ZNF609: variants seen among roughly 807,000 people sequenced by gnomAD.
ZNF609 encodes zinc finger protein 609.
A neutral mutation model predicts 109.5 loss-of-function variants in ZNF609; 11 were observed. The ratio of observed to expected loss-of-function variants is 0.10; its 90% CI spans 0.06 to 0.17. ZNF609 has a LOEUF of 0.17. ZNF609 is among the 10% of genes least tolerant of loss of function. The probability of loss-of-function intolerance (pLI) is 1.00; values close to 1 mark genes in which losing one functional copy is unlikely to be tolerated. For missense variants in ZNF609, 1,559 were observed against 1,772.4 expected, an observed-to-expected ratio of 0.88 and a Z score of 2.16; for synonymous variants, 646 against 662.0, an observed-to-expected ratio of 0.98 and a Z score of 0.37.
intron 3 of ZNF609, among the ~76,000 whole-genome samples, chr15:64,626,246 C>T (rs182148906): frequency 6.6e-6 from 1 of 152,058 alleles, no homozygotes; most frequent in East Asian, 1.9e-4. Flanking sequence ...TCTGGTCACC[C>T]CAGAGGGCCT....
intron 1 of ZNF609, among the ~76,000 whole-genome samples, chr15:64,469,239 G>A (rs1241938391): frequency 2.0e-5 from 3 of 151,440 alleles, no homozygotes; most frequent in Admixed American, 2.0e-4. Context: ...CTCCAGCCTG[G>A]GCAACAAGAG....
intron 3 of ZNF609, among the ~76,000 whole-genome samples, chr15:64,649,855 C>T (rs948173517): frequency 3.3e-5 from 5 of 152,222 alleles, no homozygotes; most frequent in Admixed American, 6.5e-5. Flanking sequence ...GAGGCAACTA[C>T]AGTTATAGTT....
chr15:64,517,787 A>G (rs1893835455), intron 2 of ZNF609, among the ~76,000 whole-genome samples: 1 of 150,964 alleles, frequency 6.6e-6, no homozygotes, highest in Non-Finnish European at 1.5e-5. Flanking sequence ...TTATACATAT[A>G]TATTATTATT....
chr15:64,621,485 GA>G (rs1159277212), intron 2 of ZNF609, among the ~76,000 whole-genome samples: 2 of 152,074 alleles, frequency 1.3e-5, no homozygotes, highest in Non-Finnish European at 2.9e-5. Context: ...GAGTAGCTGA[GA>G]ATACAGGCAT....
At chr15:64,647,818 T>C (rs1265249593) in intron 3 of ZNF609, among the ~76,000 whole-genome samples, 1 of 152,214 alleles carries the variant, frequency 6.6e-6, no homozygotes, top group East Asian at 1.9e-4. Flanking sequence ...ATGTGTTTCA[T>C]AATAATAACC....
intron 1 of ZNF609, among the ~76,000 whole-genome samples, chr15:64,483,758 C>T (rs1893291840): frequency 1.3e-5 from 2 of 152,166 alleles, no homozygotes; most frequent in Admixed American, 1.3e-4. Flanking sequence ...TGGCCTTGAA[C>T]TCCTGGGCTC....
At chr15:64,469,338 C>T (rs1191077835) in intron 1 of ZNF609, among the ~76,000 whole-genome samples, 1 of 147,994 alleles carries the variant, frequency 6.8e-6, no homozygotes, top group Non-Finnish European at 1.5e-5. Context: ...ATGGGAGGAT[C>T]GCTTGAGCCC....
chr15:64,586,250 C>T (rs1284773247), intron 2 of ZNF609, among the ~76,000 whole-genome samples: 5 of 150,966 alleles, frequency 3.3e-5, no homozygotes, highest in African/African-American at 4.9e-5. Context: ...TGCTTGAACC[C>T]GGGAGGCAGA....
intron 2 of ZNF609, among the ~76,000 whole-genome samples, chr15:64,561,223 C>T (rs1894674871): frequency 6.6e-6 from 1 of 152,150 alleles, no homozygotes; most frequent in South Asian, 2.1e-4. Context: ...TGTTATCTAA[C>T]CTATTACTTT....
chr15:64,529,597 GA>G, intron 2 of ZNF609: 1 of 1,342,196 alleles, frequency 7.5e-7, no homozygotes, highest in South Asian at 1.2e-5. Flanking sequence ...CACTTTACCA[GA>G]GTTAAAAGCA....
chr15:64,653,213 T>G (rs955438850), intron 3 of ZNF609, among the ~76,000 whole-genome samples: 3 of 152,254 alleles, frequency 2.0e-5, no homozygotes, highest in African/African-American at 7.2e-5. Flanking sequence ...TAAAGAACCC[T>G]TTATTTCCTT....
intron 2 of ZNF609, among the ~76,000 whole-genome samples, chr15:64,531,296 G>A (rs145370220): frequency 6.6e-6 from 1 of 152,300 alleles, no homozygotes; most frequent in East Asian, 1.9e-4. Flanking sequence ...TCAGTTATCA[G>A]CTGCCCTATG....
rs762419881 is a variant in ZNF609 at position 64,678,445 on chromosome 15, C to T, written c.3732C>T (p.Tyr1244=). The change falls in exon 6 of 10, where the codon TAC becomes TAT. Residue 1244 remains tyrosine (Y), a synonymous_variant. Coordinates refer to ENST00000326648, the MANE Select transcript of ZNF609 (RefSeq NM_015042.2). ...SQSYDPNHPS[Y]RSMPAVMMQN... Reference sequence around the variant, plus strand: ...CCTACGACCCCAACCACCCCAGCTACCGGAGCATGCCTGCTGTGATGATGC... The same window carrying T: ...CCTACGACCCCAACCACCCCAGCTATCGGAGCATGCCTGCTGTGATGATGC... 1.0e-5 allele frequency: 16 copies of T among 1,603,120 alleles called. No homozygotes were observed. In the East Asian group the frequency reaches 3.6e-4, roughly 36 times the overall value.
chr15:64,464,017 G>A (rs1340548120), intron 1 of ZNF609, among the ~76,000 whole-genome samples: 1 of 152,070 alleles, frequency 6.6e-6, no homozygotes, highest in East Asian at 1.9e-4. Context: ...ATCATTCAAA[G>A]AGTGCTTTGG....
At chr15:64,482,616 T>G (rs1257007267) in intron 1 of ZNF609, among the ~76,000 whole-genome samples, 5 of 152,154 alleles carry the variant, frequency 3.3e-5, no homozygotes, top group Admixed American at 6.6e-5. Flanking sequence ...TACACCATAT[T>G]AGAAAGCTGG....
At chr15:64,593,261 C>T (rs1045746765) in intron 2 of ZNF609, 16 of 1,511,940 alleles carry the variant, frequency 1.1e-5, no homozygotes, top group East Asian at 6.7e-5. Flanking sequence ...CCGCAAGGAC[C>T]GAACACCCCC....
Position 64,476,973 on chromosome 15 carries a change from T to C in ZNF609, c.-128+16135T>C, listed in dbSNP as rs1893179237. On this transcript the variant is annotated intron_variant, in intron 1 of 9. Transcript: ENST00000326648. Reference sequence around the variant, plus strand: ...TGGCCTAAAGCGTGAATTTTCAGGTTTTTGGTGCTTTGACTTCCTCTCAAC... The same window carrying C: ...TGGCCTAAAGCGTGAATTTTCAGGTCTTTGGTGCTTTGACTTCCTCTCAAC... Among the ~76,000 whole-genome samples the C allele has an allele frequency of 2.6e-5, 4 of 152,106 alleles. 1 individual carries two copies. In the South Asian group the frequency reaches 8.3e-4, roughly 31 times the overall value.
At chr15:64,527,257 G>A (rs756823642) in intron 2 of ZNF609, among the ~76,000 whole-genome samples, 3 of 148,760 alleles carry the variant, frequency 2.0e-5, no homozygotes, top group Non-Finnish European at 3.0e-5. Flanking sequence ...AAAGACTAAC[G>A]GCTATCTGAG....
intron 2 of ZNF609, among the ~76,000 whole-genome samples, chr15:64,595,410 GA>G (rs1271979282): frequency 6.6e-6 from 1 of 151,758 alleles, no homozygotes; most frequent in Admixed American, 6.6e-5. Context: ...TGCCACCTAG[GA>G]GGAGATCCTG....
Sources: gnomAD v4.1 joint callset for allele counts (sites outside exome capture counted in the v4.1 genomes callset) on GRCh38, gnomAD v4.1.1 for gene constraint, MANE v1.5 for transcripts, NCBI Gene and HGNC (gene_info 2026-07-23, HGNC 2026-07-21) for gene names.